The following RORA variants were observed in gnomAD, a reference collection of about 807,000 sequenced individuals.
RORA encodes the protein RAR related orphan receptor A.
In RORA, 7 loss-of-function variants were observed where a neutral mutation model predicts 69.5. That is an observed-to-expected ratio of 0.10 (90% CI 0.06 to 0.19). RORA has a LOEUF of 0.19. RORA is among the 10% of genes least tolerant of loss of function. RORA has a pLI of 1.00. For synonymous variants in RORA, 261 were observed against 240.8 expected (o/e 1.08, Z -0.78); for missense variants, 457 against 663.0 (o/e 0.69, Z 3.41).
At chr15:61,058,300 G>A (rs1019952417) in intron 1 of RORA, among the ~76,000 whole-genome samples, 1 of 152,144 alleles carries the variant, frequency 6.6e-6, no homozygotes, top group African/African-American at 2.4e-5. Flanking sequence ...TTCTTCCATG[G>A]GGAGCTTCTG....
chr15:61,060,319 C>G (rs1207442072), intron 1 of RORA, among the ~76,000 whole-genome samples: 1 of 152,140 alleles, frequency 6.6e-6, no homozygotes, highest in African/African-American at 2.4e-5. Context: ...TCCCGCGTTC[C>G]TCTTGGCTCT....
intron 10 of RORA, among the ~76,000 whole-genome samples, chr15:60,498,360 A>T (rs2065226772): frequency 6.6e-6 from 1 of 152,148 alleles, no homozygotes; most frequent in African/African-American, 2.4e-5. Context: ...CTGCAACTGG[A>T]AGTGATGGCA....
At chr15:61,050,892 C>T (rs988194653) in intron 1 of RORA, among the ~76,000 whole-genome samples, 6 of 152,162 alleles carry the variant, frequency 3.9e-5, no homozygotes, top group Admixed American at 2.0e-4. Context: ...AAGCACATAC[C>T]TAGTAGGTGG....
intron 3 of RORA, among the ~76,000 whole-genome samples, chr15:60,516,249 T>TTA (rs1442028660): frequency 5.8e-5 from 4 of 69,548 alleles, no homozygotes; most frequent in African/African-American, 2.1e-4. Context: ...ATATATATAT[T>TTA]TATATATATA....
At chr15:60,881,708 T>A (rs1295913466) in intron 1 of RORA, among the ~76,000 whole-genome samples, 1 of 152,120 alleles carries the variant, frequency 6.6e-6, no homozygotes, top group African/African-American at 2.4e-5. Context: ...AATGGTTGCA[T>A]TAAAAAGTGT....
At chr15:60,868,155 CT>C (rs1190951904) in intron 1 of RORA, among the ~76,000 whole-genome samples, 4 of 152,134 alleles carry the variant, frequency 2.6e-5, no homozygotes, top group Non-Finnish European at 5.9e-5. Context: ...ATAACTACTG[CT>C]TGATTTATAG....
chr15:61,137,773 C>T (rs752210401), intron 1 of RORA, among the ~76,000 whole-genome samples: 17 of 152,228 alleles, frequency 1.1e-4, no homozygotes, highest in Non-Finnish European at 1.9e-4. Context: ...TAAAATTACA[C>T]ATTTTATGCA....
chr15:60,684,341 C>T (rs1009204300), intron 1 of RORA, among the ~76,000 whole-genome samples: 4 of 152,154 alleles, frequency 2.6e-5, no homozygotes, highest in African/African-American at 2.4e-5. Context: ...ACAGGCTGGT[C>T]ATGGTGGCTC....
intron 1 of RORA, among the ~76,000 whole-genome samples, chr15:61,100,504 G>A (rs1416052792): frequency 6.6e-6 from 1 of 152,212 alleles, no homozygotes; most frequent in Non-Finnish European, 1.5e-5. Context: ...GGAAGAAGCA[G>A]AACAGTGTGC....
chr15:61,078,840 T>C (rs534111613), intron 1 of RORA, among the ~76,000 whole-genome samples: 31 of 152,272 alleles, frequency 2.0e-4, no homozygotes, highest in African/African-American at 7.2e-4. Context: ...TCTCATGGAA[T>C]CAGGGGCTTA....
chr15:60,866,944 T>C (rs950399481), intron 1 of RORA, among the ~76,000 whole-genome samples: 3 of 152,078 alleles, frequency 2.0e-5, no homozygotes, highest in African/African-American at 7.2e-5. Flanking sequence ...TGGCTCACTG[T>C]AACCACTGCC....
intron 2 of RORA, among the ~76,000 whole-genome samples, chr15:60,653,298 CGT>C (rs61265165): frequency 0.38 from 55,304 of 147,188 alleles, 10,615 homozygotes; most frequent in African/African-American, 0.51. Flanking sequence ...CAGGTGCATG[CGT>C]GTGTGTGTGT....
At chr15:60,810,027 A>C (rs148520345) in intron 1 of RORA, among the ~76,000 whole-genome samples, 14 of 152,020 alleles carry the variant, frequency 9.2e-5, no homozygotes, top group Non-Finnish European at 1.8e-4. Flanking sequence ...TCTCTTTCTC[A>C]TGATCCTGGG....
chr15:60,539,670 A>G (rs915749972), intron 2 of RORA, among the ~76,000 whole-genome samples: 2 of 152,222 alleles, frequency 1.3e-5, no homozygotes, highest in African/African-American at 2.4e-5. Flanking sequence ...CAGATACTAA[A>G]TAAGTAAGTT....
Position 60,488,919 on chromosome 15 carries a change from G to C in RORA, c.*8536C>G, listed in dbSNP as rs1213631333. On this transcript the variant is annotated 3_prime_UTR_variant, in exon 11 of 11. Coordinates refer to ENST00000335670, the MANE Select transcript of RORA (RefSeq NM_134261.3). The stretch of plus-strand genomic sequence containing the variant: ...GGCTTTAATACTTGGTTGTAGAGGA[G>C]AATGTTAACCGTAAGGCTTGGCTTA... 7 of 152,226 alleles carry C rather than the reference G, an allele frequency of 4.6e-5. No individual in the cohort carries two copies. Among genetic ancestry groups the C allele is most frequent in the Admixed American group, 3.3e-4 (5 of 15,288 alleles). 9.4% of individuals were successfully genotyped at this position (152,226 alleles called of 1,614,324 possible). A position where few individuals can be genotyped will look rare whatever the true frequency, so the allele number is the denominator to read the frequency against.
intron 1 of RORA, among the ~76,000 whole-genome samples, chr15:60,931,989 T>G (rs978040759): frequency 6.6e-6 from 1 of 152,096 alleles, no homozygotes; most frequent in African/African-American, 2.4e-5. Flanking sequence ...CCAATTCTAA[T>G]CCTGAATTCT....
chr15:60,522,115 A>C (rs1322180974), intron 3 of RORA, among the ~76,000 whole-genome samples: 1 of 152,218 alleles, frequency 6.6e-6, no homozygotes, highest in African/African-American at 2.4e-5. Context: ...TTTTGTTATT[A>C]AGGCTAGTTA....
chr15:61,012,358 C>T (rs1303013569), intron 1 of RORA, among the ~76,000 whole-genome samples: 1 of 152,194 alleles, frequency 6.6e-6, no homozygotes, highest in African/African-American at 2.4e-5. Context: ...CCTTCCTCCC[C>T]ATCACAAGTC....
chr15:61,109,128 A>G (rs813638), intron 1 of RORA, among the ~76,000 whole-genome samples: 99,202 of 152,040 alleles, frequency 0.65, 32,689 homozygotes, highest in Non-Finnish European at 0.69. Context: ...CCCAGGAGGC[A>G]GAGGTTGCAG....
Sources: allele counts gnomAD v4.1 joint callset (sites outside exome capture counted in the v4.1 genomes callset), GRCh38; gene constraint gnomAD v4.1.1; transcripts MANE v1.5; gene names NCBI Gene and HGNC (gene_info 2026-07-23, HGNC 2026-07-21).